The following GLDC variants were observed in gnomAD, a reference collection of about 807,000 sequenced individuals.
GLDC encodes glycine decarboxylase.
GLDC carries 104 observed loss-of-function variants against 121.3 expected under a neutral mutation model. The ratio of observed to expected loss-of-function variants is 0.86; its 90% confidence interval spans 0.73 to 1.01. The LOEUF (loss-of-function observed/expected upper bound fraction) is 1.01, where lower values mean the gene tolerates loss of function less well. GLDC is among the 50% of genes least tolerant of loss of function. The pLI is 0.00. For synonymous variants in GLDC, 546 were observed against 480.6 expected (o/e 1.14, Z -1.78); for missense variants, 1,429 against 1,306.6 (o/e 1.09, Z -1.44).
At chr9:6,560,007 C>T (rs559953474) in intron 16 of GLDC, among the ~76,000 whole-genome samples, 4 of 152,302 alleles carry the variant, frequency 2.6e-5, no homozygotes, top group African/African-American at 7.2e-5. Context: ...TAAGTTAGAG[C>T]TTACAGCTGC....
chr9:6,582,895 G>A (rs1431429605), intron 15 of GLDC, among the ~76,000 whole-genome samples: 1 of 151,876 alleles, frequency 6.6e-6, no homozygotes, highest in Non-Finnish European at 1.5e-5. Context: ...TTAAAAAATG[G>A]GCAAAGGACT....
At chr9:6,576,363 T>G (rs1186278875) in intron 15 of GLDC, among the ~76,000 whole-genome samples, 1 of 152,218 alleles carries the variant, frequency 6.6e-6, no homozygotes, top group Non-Finnish European at 1.5e-5. Flanking sequence ...CTTAAAATAA[T>G]GGCACTAATC....
At chr9:6,576,810 A>G (rs940754446) in intron 15 of GLDC, among the ~76,000 whole-genome samples, 1 of 152,234 alleles carries the variant, frequency 6.6e-6, no homozygotes, top group African/African-American at 2.4e-5. Flanking sequence ...GAATGCAAAC[A>G]TTCAATCTAT....
At chr9:6,629,105 C>T (rs1489967073) in intron 2 of GLDC, among the ~76,000 whole-genome samples, 1 of 151,770 alleles carries the variant, frequency 6.6e-6, no homozygotes, top group Admixed American at 6.6e-5. Flanking sequence ...CACATAAGAG[C>T]CCTTCTATAG....
chr9:6,639,668 A>ACTATATATAT, intron 2 of GLDC: 2 of 248,648 alleles, frequency 8.0e-6, no homozygotes, highest in South Asian at 4.8e-5. Flanking sequence ...ATAAAAAAAA[A>ACTATATATAT]GTATATATAT....
chr9:6,555,177 C>T (rs1269543766), intron 18 of GLDC, among the ~76,000 whole-genome samples: 2 of 152,192 alleles, frequency 1.3e-5, no homozygotes, highest in South Asian at 2.1e-4. Context: ...CCTGCGTGGT[C>T]GGCTTTAGTA....
rs1554650756 is a variant in GLDC at position 6,629,943 on chromosome 9, A to ATATATATATATATG, written c.335-9625_335-9624insCATATATATATATA. Among the ~76,000 whole-genome samples, 46 of 80,628 alleles carry ATATATATATATATG rather than the reference A, an allele frequency of 5.7e-4. 2 individuals are homozygous for ATATATATATATATG. The highest frequency in any genetic ancestry group is 4.1e-3 in the East Asian group (10 of 2,438). 52.9% of individuals were successfully genotyped at this position (80,628 alleles called of 152,430 possible). A position where few individuals can be genotyped will look rare whatever the true frequency, so the allele number is the denominator to read the frequency against. ...CTTGCTTTTCACTATATATATATAT[A>ATATATATATATATG]TGTATATATATATATTTTTTTTTTT... On this transcript the variant is annotated intron_variant, in intron 2 of 24. Coordinates refer to ENST00000321612, the MANE Select transcript of GLDC (RefSeq NM_000170.3).
rs541257856 is a variant in GLDC, at chr9:6,556,649, C to T, written c.2053-347G>A. Among the ~76,000 whole-genome samples the T allele has an allele frequency of 5.3e-5, 8 of 152,022 alleles. No homozygotes were observed. In the South Asian group the frequency reaches 6.2e-4, roughly 12 times the overall value. On this transcript the variant is annotated intron_variant, in intron 17 of 24. Coordinates refer to ENST00000321612, the MANE Select transcript of GLDC (RefSeq NM_000170.3). Reference sequence around the variant, plus strand: ...CTCTACTAAAAATACAAAGATTAGCCGAGCATGGTGGCAGGTGCCTGTAAT... The same window carrying T: ...CTCTACTAAAAATACAAAGATTAGCTGAGCATGGTGGCAGGTGCCTGTAAT...
chr9:6,602,033 A>G (rs1215870088), intron 8 of GLDC, 76 bp downstream of exon 8: 8 of 917,576 alleles, frequency 8.7e-6, no homozygotes, highest in Non-Finnish European at 1.1e-5. Flanking sequence ...ATAAATGAAC[A>G]AATGAATGAA....
At chr9:6,639,976 A>T (rs989612836) in intron 2 of GLDC, among the ~76,000 whole-genome samples, 3 of 152,124 alleles carry the variant, frequency 2.0e-5, no homozygotes, top group Non-Finnish European at 2.9e-5. Context: ...CCCACTTCCA[A>T]CATAGGACCA....
intron 15 of GLDC, among the ~76,000 whole-genome samples, chr9:6,576,378 T>G (rs1818064814): frequency 6.6e-6 from 1 of 152,190 alleles, no homozygotes; most frequent in Non-Finnish European, 1.5e-5. Flanking sequence ...CTAATCCCAT[T>G]CAGGATTGTA....
At position 6,540,053 on chromosome 9, in the gene GLDC, T is replaced by A; in HGVS notation, c.2663A>T (p.Tyr888Phe). 6.3e-7 allele frequency: 1 copy of A among 1,599,196 alleles called. No individual in the cohort carries two copies. Among genetic ancestry groups the A allele is most frequent in the Non-Finnish European group, 8.6e-7 (1 of 1,166,662 alleles). ...AVDVAKRLQD[Y>F]GFHAPTMSWP... ...CATGAATGTCAAAAGCCACTTACCA[T>A]AATCCTGGAGTCTCTTGGCCACATC... The change falls in exon 22 of 25, where the codon TAT becomes TTT. Residue 888 changes from tyrosine (Y) to phenylalanine (F), a missense_variant and splice_region_variant. Physicochemically the swap from Tyr to Phe is conservative, Grantham distance 22. Transcript: ENST00000321612.
chr9:6,602,026 A>G lies in GLDC; in HGVS notation c.1155+83T>C, dbSNP rs1818620937. The G allele has an allele frequency of 3.4e-6, 3 of 885,826 alleles. No homozygotes were observed. In the East Asian group the frequency reaches 7.3e-5, roughly 21 times the overall value. The allele number at this position is 885,826 out of a possible 1,614,324, so 54.9% of individuals were successfully genotyped here. ...CTCACTGCTCAGGAGGTGGTGAATA[A>G]ATGAACAAATGAATGAATGAATGAG... On this transcript the variant is annotated intron_variant, in intron 8 of 24. Transcript: ENST00000321612.
chr9:6,575,817 T>G (rs898844210), intron 15 of GLDC, among the ~76,000 whole-genome samples: 1 of 152,220 alleles, frequency 6.6e-6, no homozygotes, highest in Non-Finnish European at 1.5e-5. Context: ...ATTCCTAGAA[T>G]GTACTTATGA....
rs186232099 is a variant in GLDC at position 6,546,405 on chromosome 9, T to C, written c.2569+4398A>G. Among the ~76,000 whole-genome samples, 757 of 150,602 alleles carry C rather than the reference T, an allele frequency of 5.0e-3. 9 individuals carry two copies. Among genetic ancestry groups the C allele is most frequent in the African/African-American group, 0.017 (712 of 41,054 alleles). On this transcript the variant is annotated intron_variant, in intron 21 of 24. Transcript: ENST00000321612. ...TGGAAGAGACAGGTCTCATGATATT[T>C]CCCAGGCTGGTCTCAGACTCCTGGG...
At chr9:6,556,014 A>G in intron 18 of GLDC, 139 bp downstream of exon 18, 1 of 666,636 alleles carries the variant, frequency 1.5e-6, no homozygotes, top group South Asian at 1.8e-5. Context: ...AGGCCATGAG[A>G]GATCAACAAC....
At chr9:6,576,481 T>C (rs970763348) in intron 15 of GLDC, among the ~76,000 whole-genome samples, 1 of 152,200 alleles carries the variant, frequency 6.6e-6, no homozygotes. Flanking sequence ...TCTTATTTTT[T>C]TTGAGATGGG....
chr9:6,600,698 A>G lies in GLDC; in HGVS notation c.1155+1411T>C, dbSNP rs7846763. Among the ~76,000 whole-genome samples, 534 of 151,846 alleles carry G rather than the reference A, an allele frequency of 3.5e-3. 8 individuals carry two copies. The highest frequency in any genetic ancestry group is 0.012 in the African/African-American group (490 of 41,356). ...AAAGAAGAAAAAAAAAGAAGAAGAA[A>G]AAAAAAAAGAGATGCACTTAGAATG... On this transcript the variant is annotated intron_variant, in intron 8 of 24. Coordinates refer to ENST00000321612, the MANE Select transcript of GLDC (RefSeq NM_000170.3).
chr9:6,605,373 G>T, intron 5 of GLDC, 95 bp from the exon 6 acceptor site: 1 of 1,343,690 alleles, frequency 7.4e-7, no homozygotes, highest in African/African-American at 1.4e-5. Context: ...TTCATTTTCT[G>T]TGCCCTCCCA....
Sources: gnomAD v4.1 joint callset for allele counts (sites outside exome capture counted in the v4.1 genomes callset) on GRCh38, gnomAD v4.1.1 for gene constraint, MANE v1.5 for transcripts, NCBI Gene and HGNC (gene_info 2026-07-23, HGNC 2026-07-21) for gene names.